CNTN5: variants seen among roughly 807,000 people sequenced by gnomAD.
CNTN5 encodes contactin-5.
A neutral mutation model predicts 129.1 loss-of-function variants in CNTN5; 77 were observed. The ratio of observed to expected loss-of-function variants is 0.60; its 90% CI spans 0.50 to 0.72. The LOEUF is 0.72. Ranked by LOEUF, CNTN5 falls within the 30% of genes least tolerant of loss-of-function variation. The pLI, the probability that CNTN5 is intolerant of heterozygous loss-of-function variation, is 0.00. For synonymous variants in CNTN5, 509 were observed against 465.6 expected (o/e 1.09, Z -1.20); for missense variants, 1,478 against 1,328.8 (o/e 1.11, Z -1.75).
At chr11:99,966,695 C>G (rs1476564324) in intron 8 of CNTN5, among the ~76,000 whole-genome samples, 3 of 152,194 alleles carry the variant, frequency 2.0e-5, no homozygotes, top group African/African-American at 7.2e-5. Context: ...CAAGAAGTAT[C>G]TGAAACATAG....
chr11:100,048,536 G>C (rs75693203), intron 9 of CNTN5, among the ~76,000 whole-genome samples: 1 of 152,008 alleles, frequency 6.6e-6, no homozygotes, highest in Non-Finnish European at 1.5e-5. Flanking sequence ...AGAAATAGAA[G>C]TTATCTTTAT....
intron 1 of CNTN5, among the ~76,000 whole-genome samples, chr11:99,145,519 C>T (rs117958026): frequency 0.047 from 7,195 of 152,016 alleles, 194 homozygotes; most frequent in Middle Eastern, 0.062. Context: ...TCTTATAATC[C>T]TATTTGTCTT....
At chr11:99,981,148 G>A (rs1203167055) in intron 8 of CNTN5, among the ~76,000 whole-genome samples, 1 of 143,886 alleles carries the variant, frequency 6.9e-6, no homozygotes, top group African/African-American at 2.5e-5. Context: ...TAGGGAAATT[G>A]ATTCATGTGA....
At chr11:99,946,319 G>A (rs1393640826) in intron 7 of CNTN5, among the ~76,000 whole-genome samples, 1 of 152,036 alleles carries the variant, frequency 6.6e-6, no homozygotes, top group Non-Finnish European at 1.5e-5. Context: ...ATATCACCGA[G>A]TCAATCACCA....
chr11:100,022,131 C>T (rs937633281), intron 9 of CNTN5, among the ~76,000 whole-genome samples: 1 of 152,172 alleles, frequency 6.6e-6, no homozygotes, highest in African/African-American at 2.4e-5. Context: ...CCCAGATACA[C>T]CCAGAAACAA....
intron 7 of CNTN5, among the ~76,000 whole-genome samples, chr11:99,930,306 A>G (rs558519278): frequency 6.6e-6 from 1 of 152,262 alleles, no homozygotes; most frequent in Admixed American, 6.5e-5. Flanking sequence ...CTTACTGTGC[A>G]TCCCTGAACA....
At chr11:99,932,487 C>T (rs562522292) in intron 7 of CNTN5, among the ~76,000 whole-genome samples, 5 of 152,118 alleles carry the variant, frequency 3.3e-5, no homozygotes, top group African/African-American at 4.8e-5. Flanking sequence ...GCCACTGCAC[C>T]CAGTCAACTT....
chr11:99,306,457 A>T (rs1464144781), intron 1 of CNTN5, among the ~76,000 whole-genome samples: 1 of 152,218 alleles, frequency 6.6e-6, no homozygotes, highest in Non-Finnish European at 1.5e-5. Flanking sequence ...GAGGTAAAGA[A>T]AATAAAATAC....
At position 99,586,948 on chromosome 11, in the gene CNTN5, A is replaced by G. The variant is rs182429015; in HGVS notation, c.55+30679A>G. Reference sequence around the variant, plus strand: ...TAATGCACCTAGGCAGAGAATCATCAACAATAGTCTAGTAATTGGCAAGAG... The same window carrying G: ...TAATGCACCTAGGCAGAGAATCATCGACAATAGTCTAGTAATTGGCAAGAG... On this transcript the variant is annotated intron_variant, in intron 3 of 24. Transcript: ENST00000524871. 2.3e-3 allele frequency among the ~76,000 whole-genome samples: 344 copies of G among 152,364 alleles called. 2 individuals are homozygous for G. The highest frequency in any genetic ancestry group is 7.6e-3 in the African/African-American group (316 of 41,598).
chr11:99,962,672 C>T (rs1006059499), intron 8 of CNTN5, among the ~76,000 whole-genome samples: 24 of 150,630 alleles, frequency 1.6e-4, no homozygotes, highest in Admixed American at 1.4e-3. Context: ...GTTATATACC[C>T]AGTAATGGGA....
chr11:99,477,987 T>A (rs1307893135), intron 2 of CNTN5, among the ~76,000 whole-genome samples: 1 of 151,884 alleles, frequency 6.6e-6, no homozygotes, highest in African/African-American at 2.4e-5. Context: ...TAGTTGGAGA[T>A]GATTTTTTTC....
chr11:100,157,108 C>G (rs1049785094), intron 13 of CNTN5, among the ~76,000 whole-genome samples: 15 of 151,784 alleles, frequency 9.9e-5, no homozygotes, highest in Admixed American at 6.6e-4. Flanking sequence ...TAGATCTTCC[C>G]TGCTTTCTTT....
At chr11:99,355,463 A>G (rs1458796091) in intron 2 of CNTN5, among the ~76,000 whole-genome samples, 2 of 152,168 alleles carry the variant, frequency 1.3e-5, no homozygotes, top group African/African-American at 2.4e-5. Context: ...AAGACCCCTC[A>G]GTGCAAGTAG....
chr11:99,453,701 G>T (rs1201768824), intron 2 of CNTN5, among the ~76,000 whole-genome samples: 1 of 152,148 alleles, frequency 6.6e-6, no homozygotes, highest in Non-Finnish European at 1.5e-5. Flanking sequence ...AACTGAGTTT[G>T]TGTCCTTAGG....
chr11:99,961,758 TG>T (rs1328153057), intron 8 of CNTN5, among the ~76,000 whole-genome samples: 1 of 152,180 alleles, frequency 6.6e-6, no homozygotes, highest in African/African-American at 2.4e-5. Flanking sequence ...ATGTCAACAG[TG>T]GCACTCTAGT....
intron 13 of CNTN5, among the ~76,000 whole-genome samples, chr11:100,095,468 G>A (rs1021723700): frequency 2.0e-5 from 3 of 152,038 alleles, no homozygotes; most frequent in African/African-American, 7.2e-5. Flanking sequence ...AGATGTATAT[G>A]ACCACAGGCA....
chr11:99,073,398 T>A (rs887518495), intron 1 of CNTN5, among the ~76,000 whole-genome samples: 1 of 141,120 alleles, frequency 7.1e-6, no homozygotes, highest in Admixed American at 7.1e-5. Flanking sequence ...TTTTTTTTTT[T>A]ACTTTAAGTT....
intron 15 of CNTN5, among the ~76,000 whole-genome samples, chr11:100,198,748 A>T (rs1475466829): frequency 6.6e-6 from 1 of 151,898 alleles, no homozygotes; most frequent in Non-Finnish European, 1.5e-5. Context: ...ATTGGAAAGT[A>T]GGAGTAATTA....
chr11:99,950,992 A>G (rs2136147768), intron 7 of CNTN5, among the ~76,000 whole-genome samples: 1 of 152,358 alleles, frequency 6.6e-6, no homozygotes, highest in Non-Finnish European at 1.5e-5. Context: ...TGATTAAAAT[A>G]ATAATAACTA....
Sources: allele counts gnomAD v4.1 joint callset (sites outside exome capture counted in the v4.1 genomes callset), GRCh38; gene constraint gnomAD v4.1.1; transcripts MANE v1.5; gene names NCBI Gene and HGNC (gene_info 2026-07-23, HGNC 2026-07-21).